DTNB: variants seen among roughly 807,000 people sequenced by gnomAD.
DTNB encodes the protein dystrobrevin beta, also known as DTN-B.
In DTNB, 63 loss-of-function variants were observed where a neutral mutation model predicts 90.7. That is an observed-to-expected ratio of 0.69 (90% CI 0.57 to 0.86). DTNB has a LOEUF of 0.86. DTNB is among the 40% of genes least tolerant of loss of function. DTNB has a pLI of 0.00. For synonymous variants in DTNB, 277 were observed against 286.7 expected (o/e 0.97, Z 0.34); for missense variants, 744 against 807.1 (o/e 0.92, Z 0.95).
intron 1 of DTNB, among the ~76,000 whole-genome samples, chr2:25,663,200 A>T (rs2083630961): frequency 6.6e-6 from 1 of 152,228 alleles, no homozygotes; most frequent in East Asian, 1.9e-4. Context: ...GCTGAGAATG[A>T]TGGCTTCCAG....
rs796746851 is a variant in DTNB, at chr2:25,629,018, C to T, written c.149-634G>A. 3.5e-4 allele frequency among the ~76,000 whole-genome samples: 53 copies of T among 152,084 alleles called. 1 individual carries two copies. Among genetic ancestry groups the T allele is most frequent in the African/African-American group, 1.2e-3 (50 of 41,490 alleles). On this transcript the variant is annotated intron_variant, in intron 3 of 20. Transcript: ENST00000406818. Reference sequence around the variant, plus strand: ...GCTGGGTCTACACTCTTCTTGAAAACGACAAAAATTCCTGGATGGAATATA... The same window carrying T: ...GCTGGGTCTACACTCTTCTTGAAAATGACAAAAATTCCTGGATGGAATATA...
At chr2:25,447,872 A>C (rs1277600306) in intron 12 of DTNB, among the ~76,000 whole-genome samples, 1 of 152,124 alleles carries the variant, frequency 6.6e-6, no homozygotes, top group Non-Finnish European at 1.5e-5. Flanking sequence ...CCTTAATGTG[A>C]GAACCTCATT....
intron 8 of DTNB, among the ~76,000 whole-genome samples, chr2:25,544,296 T>C (rs1487435333): frequency 2.0e-5 from 3 of 152,226 alleles, no homozygotes; most frequent in African/African-American, 7.2e-5. Flanking sequence ...CGGATAACCA[T>C]GAACCAGGCA....
chr2:25,389,846 TTGTGTGTGTGTGTGTG>T (rs68107964), intron 16 of DTNB, among the ~76,000 whole-genome samples: 3 of 96,006 alleles, frequency 3.1e-5, no homozygotes, highest in Admixed American at 1.1e-4. Flanking sequence ...TTTGAATCAT[TTGTGTGTGTGTGTGTG>T]TGTGTGTGTG....
At chr2:25,666,002 T>A (rs1470974536) in intron 1 of DTNB, among the ~76,000 whole-genome samples, 2 of 152,158 alleles carry the variant, frequency 1.3e-5, no homozygotes, top group African/African-American at 4.8e-5. Context: ...AAGAGCCCAA[T>A]AAATGTTAGC....
chr2:25,397,993 G>T (rs1260834260), intron 16 of DTNB, among the ~76,000 whole-genome samples: 1 of 152,012 alleles, frequency 6.6e-6, no homozygotes, highest in Non-Finnish European at 1.5e-5. Flanking sequence ...ATCTCCCTCT[G>T]CATGATCTGG....
chr2:25,508,294 C>T lies in DTNB; in HGVS notation c.1001+23179G>A, dbSNP rs375030386. Among the ~76,000 whole-genome samples the T allele has an allele frequency of 1.5e-4, 23 of 151,746 alleles. No homozygotes were observed. In the East Asian group the frequency reaches 1.9e-3, roughly 13 times the overall value. On this transcript the variant is annotated intron_variant, in intron 9 of 20. Transcript: ENST00000406818. ...ATAAACAGAGAAAATCTGAAGATAA[C>T]GAAAGGAATAATAAGACAAAAGCAG...
At chr2:25,570,365 G>T (rs2059654844) in intron 8 of DTNB, among the ~76,000 whole-genome samples, 1 of 128,706 alleles carries the variant, frequency 7.8e-6, no homozygotes, top group Non-Finnish European at 1.5e-5. Context: ...CCATGATCAC[G>T]CCACTGCACT....
At chr2:25,434,692 CTATG>C (rs1356666393) in intron 12 of DTNB, among the ~76,000 whole-genome samples, 3 of 151,912 alleles carry the variant, frequency 2.0e-5, no homozygotes, top group Non-Finnish European at 2.9e-5. Flanking sequence ...AAGTATTTGT[CTATG>C]TATGTTTTCA....
intron 9 of DTNB, among the ~76,000 whole-genome samples, chr2:25,512,300 G>T (rs550276099): frequency 1.3e-5 from 2 of 152,294 alleles, no homozygotes; most frequent in African/African-American, 4.8e-5. Flanking sequence ...AAATCAACAA[G>T]CAAGGTCCTA....
At chr2:25,611,707 C>T (rs961691328) in intron 4 of DTNB, among the ~76,000 whole-genome samples, 8 of 152,074 alleles carry the variant, frequency 5.3e-5, no homozygotes, top group East Asian at 1.9e-4. Context: ...GGAACTGTGG[C>T]GCATGCCTGT....
chr2:25,434,699 T>A (rs2055110643), intron 12 of DTNB, among the ~76,000 whole-genome samples: 2 of 152,164 alleles, frequency 1.3e-5, no homozygotes, highest in South Asian at 2.1e-4. Flanking sequence ...TGTCTATGTA[T>A]GTTTTCATTT....
intron 8 of DTNB, among the ~76,000 whole-genome samples, chr2:25,535,857 G>A (rs1213941976): frequency 6.8e-6 from 1 of 147,008 alleles, no homozygotes; most frequent in Non-Finnish European, 1.5e-5. Context: ...CCGGGCAGAG[G>A]CGCTCCTCAC....
At chr2:25,587,348 C>G (rs555244911) in intron 6 of DTNB, among the ~76,000 whole-genome samples, 1 of 152,324 alleles carries the variant, frequency 6.6e-6, no homozygotes, top group African/African-American at 2.4e-5. Context: ...CATTGAGCCA[C>G]TGAATAAAGT....
intron 8 of DTNB, 154 bp downstream of exon 8, chr2:25,576,684 C>T: frequency 1.0e-6 from 1 of 973,186 alleles, no homozygotes; most frequent in Non-Finnish European, 1.4e-6. Flanking sequence ...TGAGGAAGCA[C>T]AACATTTTTG....
chr2:25,511,301 T>C (rs2073892779), intron 9 of DTNB, among the ~76,000 whole-genome samples: 1 of 152,204 alleles, frequency 6.6e-6, no homozygotes, highest in African/African-American at 2.4e-5. Flanking sequence ...ATAAATCAGT[T>C]TCATACCCTA....
chr2:25,621,255 C>G (rs1158448780), intron 4 of DTNB, among the ~76,000 whole-genome samples: 1 of 152,116 alleles, frequency 6.6e-6, no homozygotes, highest in Non-Finnish European at 1.5e-5. Context: ...CTAATATTAT[C>G]TTTTATCAGC....
intron 11 of DTNB, among the ~76,000 whole-genome samples, chr2:25,455,050 A>G (rs932939421): frequency 2.0e-5 from 3 of 152,204 alleles, no homozygotes; most frequent in African/African-American, 7.2e-5. Flanking sequence ...ATGTCAATAG[A>G]AAGATTTCAT....
chr2:25,556,168 CTCTT>C (rs1190136988), intron 8 of DTNB, among the ~76,000 whole-genome samples: 78 of 98,792 alleles, frequency 7.9e-4, no homozygotes, highest in African/African-American at 3.5e-3. Flanking sequence ...TTGGCCATCT[CTCTT>C]TTTTTTTTTT....
Sources: allele counts gnomAD v4.1 joint callset (sites outside exome capture counted in the v4.1 genomes callset), GRCh38; gene constraint gnomAD v4.1.1; transcripts MANE v1.5; gene names NCBI Gene and HGNC (gene_info 2026-07-23, HGNC 2026-07-21).